The following USP54 variants were observed in gnomAD, a reference collection of about 807,000 sequenced individuals.
USP54 encodes the protein ubiquitin specific peptidase 54, also known as ubiquitin carboxyl-terminal hydrolase 54.
Under a neutral mutation model 170.5 loss-of-function variants are expected in USP54, and 87 were observed. The observed-to-expected ratio is 0.51, with a 90% CI of 0.43 to 0.61. The LOEUF is 0.61. Ranked by LOEUF, USP54 falls within the 20% of genes least tolerant of loss-of-function variation. USP54 has a pLI of 0.00. For synonymous variants in USP54, 655 were observed against 742.8 expected, an observed-to-expected ratio of 0.88 and a Z score of 1.92; for missense variants, 1,786 against 2,047.8, an observed-to-expected ratio of 0.87 and a Z score of 2.47.
chr10:73,587,836 G>T (rs762025981), intron 1 of USP54, among the ~76,000 whole-genome samples: 2 of 152,178 alleles, frequency 1.3e-5, no homozygotes, highest in Non-Finnish European at 2.9e-5. Flanking sequence ...GATGATTATG[G>T]TGAGGATAAT....
At chr10:73,552,721 G>C (rs1367181547) in intron 4 of USP54, among the ~76,000 whole-genome samples, 1 of 152,176 alleles carries the variant, frequency 6.6e-6, no homozygotes, top group Non-Finnish European at 1.5e-5. Flanking sequence ...AACCCGGGAG[G>C]TGGAGGCTGC....
At chr10:73,500,583 C>T in intron 23 of USP54, 72 bp downstream of exon 23, 2 of 1,437,420 alleles carry the variant, frequency 1.4e-6, no homozygotes, top group South Asian at 1.4e-5. Flanking sequence ...CATAGGTATA[C>T]TGATTTGACC....
intron 1 of USP54, among the ~76,000 whole-genome samples, chr10:73,579,318 A>G (rs1022113850): frequency 1.9e-4 from 29 of 152,344 alleles, no homozygotes; most frequent in African/African-American, 7.0e-4. Context: ...GAACTTCATC[A>G]TAAGAATGTC....
Position 73,498,685 on chromosome 10 carries a change from C to T in USP54, c.4999G>A (p.Asp1667Asn), listed in dbSNP as rs117429793. 4.6e-3 allele frequency: 7,402 copies of T among 1,601,628 alleles called. 95 individuals carry two copies. Among genetic ancestry groups the T allele is most frequent in the South Asian group, 0.03 (2,658 of 89,040 alleles). ...VGEGFLFVLS[D>N]APRREQIRAR... ...CTGATCTGCTCTCTTCTGGGAGCAT[C>T]TGATAGAACAAACAGAAACCCCTCT... is the stretch of plus-strand genomic sequence containing the variant. Residue 1667 changes from aspartate to asparagine, a missense_variant, in exon 24 of 24, where the codon GAT (aspartate) becomes AAT (asparagine). Physicochemically the swap from Asp to Asn is conservative, Grantham distance 23. Coordinates refer to ENST00000687698, the MANE Select transcript of USP54 (RefSeq NM_001391956.1).
chr10:73,579,718 C>T (rs2076620451), intron 1 of USP54, among the ~76,000 whole-genome samples: 1 of 151,902 alleles, frequency 6.6e-6, no homozygotes, highest in Non-Finnish European at 1.5e-5. Context: ...GATTGCACCA[C>T]TGCACTCCAG....
chr10:73,545,771 T>G (rs1434917910), intron 4 of USP54, 99 bp from the exon 5 acceptor site: 49 of 1,376,758 alleles, frequency 3.6e-5, no homozygotes, highest in Non-Finnish European at 9.9e-7. Flanking sequence ...ATGATAGCTA[T>G]GAAACCAAAT....
chr10:73,555,616 G>T (rs1255171018), intron 4 of USP54, among the ~76,000 whole-genome samples: 1 of 152,190 alleles, frequency 6.6e-6, no homozygotes, highest in Non-Finnish European at 1.5e-5. Flanking sequence ...ATAAGCTAAT[G>T]TTGAGGTTTT....
intron 4 of USP54, among the ~76,000 whole-genome samples, chr10:73,552,933 C>T (rs909185353): frequency 6.6e-6 from 1 of 152,164 alleles, no homozygotes; most frequent in Non-Finnish European, 1.5e-5. Flanking sequence ...TGTCACTGTC[C>T]TATGATGAAA....
chr10:73,567,809 G>A (rs1247006751), intron 4 of USP54, among the ~76,000 whole-genome samples: 1 of 152,078 alleles, frequency 6.6e-6, no homozygotes, highest in Non-Finnish European at 1.5e-5. Flanking sequence ...TGGCAACTTT[G>A]TTTGATCCTT....
upstream of USP54, among the ~76,000 whole-genome samples, chr10:73,592,784 C>T (rs929474902): frequency 6.6e-6 from 1 of 152,206 alleles, no homozygotes; most frequent in Non-Finnish European, 1.5e-5. Context: ...TTTCATGTCT[C>T]ATCCAGGTAA....
At chr10:73,611,927 A>G (rs561311420) in intron 1 of USP54, among the ~76,000 whole-genome samples, 5 of 152,068 alleles carry the variant, frequency 3.3e-5, no homozygotes, top group African/African-American at 7.2e-5. Context: ...TGCACAACAC[A>G]GTGACAACTC....
chr10:73,498,463 A>ACGGGGTTTCACCATGTTGGC lies in USP54; in HGVS notation c.*146_*165dup, dbSNP rs1266619677. 7 of 521,892 alleles carry ACGGGGTTTCACCATGTTGGC rather than the reference A, an allele frequency of 1.3e-5. No homozygotes were observed. In the East Asian group the frequency reaches 2.5e-4, roughly 18 times the overall value. The allele number at this position is 521,892 out of a possible 1,614,324, so 32.3% of individuals were successfully genotyped here. A position where few individuals can be genotyped will look rare whatever the true frequency, so the allele number is the denominator to read the frequency against. On this transcript the variant is annotated 3_prime_UTR_variant, in exon 24 of 24. Transcript: ENST00000687698. ...GCTAATTTTTTGTATTTTGGTAGAG[A>ACGGGGTTTCACCATGTTGGC]CGGGGTTTCACCATGTTGGCCAGGA...
intron 16 of USP54, 50 bp from the exon 17 acceptor site, chr10:73,523,800 A>C: frequency 6.6e-7 from 1 of 1,524,152 alleles, no homozygotes; most frequent in Non-Finnish European, 8.9e-7. Flanking sequence ...ACCAAGACTA[A>C]GTACTTGATG....
intron 20 of USP54, among the ~76,000 whole-genome samples, chr10:73,510,815 T>C (rs1335273700): frequency 1.3e-5 from 2 of 152,170 alleles, no homozygotes; most frequent in African/African-American, 4.8e-5. Context: ...TTTTATTTTT[T>C]AGATATCTAT....
At chr10:73,557,380 G>A (rs1320166427) in intron 4 of USP54, among the ~76,000 whole-genome samples, 1 of 151,548 alleles carries the variant, frequency 6.6e-6, no homozygotes, top group Non-Finnish European at 1.5e-5. Context: ...GAAGCGCAGT[G>A]GCGCAATCTC....
chr10:73,579,527 G>A (rs1434100562), intron 1 of USP54, among the ~76,000 whole-genome samples: 1 of 152,084 alleles, frequency 6.6e-6, no homozygotes, highest in Admixed American at 6.5e-5. Flanking sequence ...AGCTGAAGCA[G>A]GTGGATCACT....
chr10:73,546,027 A>G (rs4745717), intron 4 of USP54, among the ~76,000 whole-genome samples: 23,371 of 152,186 alleles, frequency 0.15, 2,925 homozygotes, highest in East Asian at 0.34. Flanking sequence ...AAACGTTATC[A>G]ACAAATTATT....
At chr10:73,571,137 C>CCAA (rs2075100813) in intron 4 of USP54, among the ~76,000 whole-genome samples, 1 of 44,326 alleles carries the variant, frequency 2.3e-5, no homozygotes. Context: ...GACTTCATCC[C>CCAA]AAAAAAAAAA....
intron 1 of USP54, among the ~76,000 whole-genome samples, chr10:73,618,407 G>A (rs1414794478): frequency 1.3e-5 from 2 of 150,182 alleles, no homozygotes; most frequent in African/African-American, 2.5e-5. Context: ...GACTATAGGC[G>A]CATGCTGCCA....
Sources: allele counts gnomAD v4.1 joint callset (sites outside exome capture counted in the v4.1 genomes callset), GRCh38; gene constraint gnomAD v4.1.1; transcripts MANE v1.5; gene names NCBI Gene and HGNC (gene_info 2026-07-23, HGNC 2026-07-21).